The following ABCA12 variants were observed in gnomAD, a reference collection of about 807,000 sequenced individuals.
ABCA12 encodes glucosylceramide transporter ABCA12.
In ABCA12, 156 loss-of-function variants were observed where a neutral mutation model predicts 293.5. The ratio of observed to expected loss-of-function variants is 0.53; its 90% CI spans 0.47 to 0.61. The LOEUF (loss-of-function observed/expected upper bound fraction) is 0.61. Among genes scored for constraint, ABCA12 ranks in the 20% least tolerant of loss-of-function variants. ABCA12 has a pLI of 0.00. For missense variants in ABCA12, 2,797 were observed against 3,090.2 expected (o/e 0.91, Z 2.25); for synonymous variants, 1,063 against 1,108.0 (o/e 0.96, Z 0.81).
chr2:215,029,016 C>G (rs1700812400), intron 9 of ABCA12: 1 of 152,086 alleles, frequency 6.6e-6, no homozygotes, highest in African/African-American at 2.4e-5. Context: ...ACAAATGAAA[C>G]TATGAGAATA....
At chr2:214,949,377 T>TATATAC (rs1021376185) in intron 45 of ABCA12, among the ~76,000 whole-genome samples, 2 of 143,074 alleles carry the variant, frequency 1.4e-5, no homozygotes, top group African/African-American at 2.7e-5. Context: ...TATATATATA[T>TATATAC]ACACACACAC....
In ABCA12 at chr2:214,983,827, G is replaced by T; in HGVS notation, c.4202C>A (p.Thr1401Asn). The change falls in exon 29 of 53, where the codon ACC (threonine) becomes AAC (asparagine). Residue 1401 changes from threonine to asparagine, a missense_variant. Around this residue, in one of 3 missense-constraint regions of ABCA12, gnomAD observed 2,130 missense variants for 2,427.0 expected, o/e 0.88. Transcript: ENST00000272895. ...GATATCTTTTCCATATACAAAAATG[G>T]TGCCTGCTGAGGCCCCAAACAGCCC... Reference protein sequence around the residue: ...LTGLFGASAGTIFVYGKDIKT... With the variant: ...LTGLFGASAGNIFVYGKDIKT... 6.2e-7 allele frequency: 1 copy of T among 1,614,048 alleles called. No individual in the cohort carries two copies. The highest frequency in any genetic ancestry group is 8.5e-7 in the Non-Finnish European group (1 of 1,180,016).
intron 50 of ABCA12, among the ~76,000 whole-genome samples, chr2:214,941,348 T>G (rs575779544): frequency 1.2e-4 from 19 of 152,196 alleles, no homozygotes; most frequent in Non-Finnish European, 2.8e-4. Flanking sequence ...CTTTTGCATT[T>G]GTTAAGGAGT....
intron 50 of ABCA12, among the ~76,000 whole-genome samples, chr2:214,940,857 CTT>C (rs1254796582): frequency 1.3e-5 from 2 of 152,012 alleles, no homozygotes; most frequent in African/African-American, 4.8e-5. Flanking sequence ...ATTCTTCTCT[CTT>C]TTCTTCTTTA....
At chr2:215,029,915 G>GA (rs138303153) in intron 9 of ABCA12, among the ~76,000 whole-genome samples, 303 of 152,156 alleles carry the variant, frequency 2.0e-3, no homozygotes, top group Non-Finnish European at 3.6e-3. Context: ...GAGCTATGAG[G>GA]AAAAAGTATT....
At chr2:215,060,257 G>A (rs2106068626) in intron 3 of ABCA12, among the ~76,000 whole-genome samples, 1 of 152,042 alleles carries the variant, frequency 6.6e-6, no homozygotes, top group African/African-American at 2.4e-5. Flanking sequence ...GTTTATATAG[G>A]GCAAGGCATA....
At position 215,021,148 on chromosome 2, in the gene ABCA12, C is replaced by T. The variant is rs180763011; in HGVS notation, c.1288-1352G>A. On this transcript the variant is annotated intron_variant, in intron 11 of 52. Coordinates refer to ENST00000272895, the MANE Select transcript of ABCA12 (RefSeq NM_173076.3). ...ACAGATGTGAGCCACTGTGGCCAGT[C>T]GACAATTTTTAAAGGTTAACAAAAA... Among the ~76,000 whole-genome samples, 898 of 152,206 alleles carry T rather than the reference C, an allele frequency of 5.9e-3. 8 individuals carry two copies. The Middle Eastern group carries it at 0.095, about 16-fold the overall frequency.
At chr2:215,087,870 G>T (rs531002026) in intron 2 of ABCA12, among the ~76,000 whole-genome samples, 3 of 152,340 alleles carry the variant, frequency 2.0e-5, no homozygotes, top group Admixed American at 6.5e-5. Flanking sequence ...TTTGAATTCA[G>T]ATATAAAGCA....
chr2:215,007,871 G>A, intron 18 of ABCA12, 25 bp from the exon 19 acceptor site: 5 of 1,613,420 alleles, frequency 3.1e-6, no homozygotes, highest in South Asian at 1.1e-5. Context: ...AACAAAAGAA[G>A]TGTGATCCAT....
chr2:214,973,385 C>G (rs548179085), intron 36 of ABCA12, among the ~76,000 whole-genome samples: 1 of 152,286 alleles, frequency 6.6e-6, no homozygotes, highest in South Asian at 2.1e-4. Flanking sequence ...TTGAACTTCT[C>G]TAGTGAATGT....
At position 215,049,477 on chromosome 2, in the gene ABCA12, A is replaced by C. The variant is rs1407305557; in HGVS notation, c.693+149T>G. On this transcript the variant is annotated intron_variant, in intron 6 of 52. Coordinates refer to ENST00000272895, the MANE Select transcript of ABCA12 (RefSeq NM_173076.3). ...CACATTAAATAAGTAATACTACTTA[A>C]GATTAAACTTTGTGTGCAAATGTCT... The C allele has an allele frequency of 1.7e-5, 13 of 771,764 alleles. No individual in the cohort carries two copies. In the South Asian group the frequency reaches 2.1e-4, roughly 13 times the overall value. The allele number at this position is 771,764 out of a possible 1,614,324, so 47.8% of individuals were successfully genotyped here. A position where few individuals can be genotyped will look rare whatever the true frequency, so the allele number is the denominator to read the frequency against.
chr2:215,081,121 AG>A (rs1236487130), intron 2 of ABCA12, among the ~76,000 whole-genome samples: 1 of 152,192 alleles, frequency 6.6e-6, no homozygotes, highest in African/African-American at 2.4e-5. Context: ...TGTATTCAAA[AG>A]CTTCAGTTAA....
chr2:215,071,865 G>A (rs1331810450), intron 2 of ABCA12, among the ~76,000 whole-genome samples: 1 of 152,170 alleles, frequency 6.6e-6, no homozygotes, highest in African/African-American at 2.4e-5. Flanking sequence ...TTGGAGTGTT[G>A]CATGATGATG....
At chr2:214,956,637 CT>C in intron 42 of ABCA12, 25 bp downstream of exon 42, 1 of 1,516,892 alleles carries the variant, frequency 6.6e-7, no homozygotes, top group East Asian at 2.3e-5. Flanking sequence ...ATTAATTCTT[CT>C]TTCATTGCTT....
chr2:215,104,186 G>A (rs79141319), intron 2 of ABCA12, among the ~76,000 whole-genome samples: 235 of 152,204 alleles, frequency 1.5e-3, no homozygotes, highest in African/African-American at 5.4e-3. Flanking sequence ...AATCACCTTT[G>A]GGAAGCTTGC....
In ABCA12 at chr2:214,951,041, T is replaced by C. The variant is rs111355716; in HGVS notation, c.6690A>G (p.Thr2230=). 389 of 1,614,130 alleles carry C rather than the reference T, an allele frequency of 2.4e-4. 5 individuals are homozygous for C. The African/African-American group carries it at 4.1e-3, about 17-fold the overall frequency. Residue 2230 remains threonine, a synonymous_variant, in exon 45 of 53, where the codon ACA becomes ACG. Transcript: ENST00000272895. ...RKFNSSHVRE[T]IDEDEDVRAE... Reference sequence around the variant, plus strand: ...CCCGCACATCTTCATCCTCATCTATTGTCTCCCTTACATGTGAAGAATTAA... The same window carrying C: ...CCCGCACATCTTCATCCTCATCTATCGTCTCCCTTACATGTGAAGAATTAA...
intron 33 of ABCA12, among the ~76,000 whole-genome samples, chr2:214,977,196 G>A (rs1172030038): frequency 6.6e-6 from 1 of 152,198 alleles, no homozygotes; most frequent in East Asian, 1.9e-4. Flanking sequence ...TGTATCAAAT[G>A]AAATAAATGT....
At chr2:214,950,241 A>ATCTGTGGATT (rs760665387) in intron 45 of ABCA12, among the ~76,000 whole-genome samples, 8 of 152,228 alleles carry the variant, frequency 5.3e-5, no homozygotes, top group South Asian at 4.1e-4. Context: ...GGACTTGAGC[A>ATCTGTGGATT]TCTGTGGATT....
chr2:215,033,807 A>G (rs752605785), intron 8 of ABCA12, among the ~76,000 whole-genome samples: 1 of 151,940 alleles, frequency 6.6e-6, no homozygotes, highest in Non-Finnish European at 1.5e-5. Flanking sequence ...CGGGCGTGGT[A>G]GCAGGTGCCT....
Sources: allele counts gnomAD v4.1 joint callset (sites outside exome capture counted in the v4.1 genomes callset), GRCh38; gene constraint gnomAD v4.1.1; regional missense constraint gnomAD v4.1.1; transcripts MANE v1.5; gene names NCBI Gene and HGNC (gene_info 2026-07-23, HGNC 2026-07-21).